The following NEGR1 variants were observed in gnomAD, a reference collection of about 807,000 sequenced individuals.
NEGR1 encodes IgLON family member 4.
NEGR1 carries 10 observed loss-of-function variants against 40.9 expected under a neutral mutation model. The ratio of observed to expected loss-of-function variants is 0.24; its 90% CI spans 0.15 to 0.42. The LOEUF (loss-of-function observed/expected upper bound fraction) is 0.42. NEGR1 is among the 10% of genes least tolerant of loss of function. NEGR1 has a pLI of 1.00. For synonymous variants in NEGR1, 185 were observed against 166.8 expected, an observed-to-expected ratio of 1.11 and a Z score of -0.84; for missense variants, 352 against 438.9, an observed-to-expected ratio of 0.80 and a Z score of 1.77.
At chr1:71,857,539 G>T (rs1054145969) in intron 2 of NEGR1, among the ~76,000 whole-genome samples, 2 of 134,702 alleles carry the variant, frequency 1.5e-5, no homozygotes, top group Non-Finnish European at 3.1e-5. Flanking sequence ...GAAGTGGGAA[G>T]ATCATTTGAG....
chr1:71,651,390 A>C (rs997269149), intron 4 of NEGR1, among the ~76,000 whole-genome samples: 4 of 152,148 alleles, frequency 2.6e-5, no homozygotes, highest in African/African-American at 9.7e-5. Flanking sequence ...TCCACAAAGT[A>C]TGTATGATGA....
chr1:72,075,223 G>GA (rs1647671981), intron 1 of NEGR1, among the ~76,000 whole-genome samples: 1 of 152,056 alleles, frequency 6.6e-6, no homozygotes, highest in East Asian at 1.9e-4. Flanking sequence ...TTAAAGTTTT[G>GA]AAAATATACA....
At chr1:72,080,840 T>G (rs1647966625) in intron 1 of NEGR1, among the ~76,000 whole-genome samples, 1 of 152,074 alleles carries the variant, frequency 6.6e-6, no homozygotes, top group Non-Finnish European at 1.5e-5. Flanking sequence ...TACTCAAATT[T>G]TCCTGGATGA....
At chr1:72,008,898 A>T (rs781151024) in intron 1 of NEGR1, among the ~76,000 whole-genome samples, 5 of 152,004 alleles carry the variant, frequency 3.3e-5, no homozygotes, top group Non-Finnish European at 7.4e-5. Flanking sequence ...AAATTACTTT[A>T]GTGGGAAGAG....
chr1:71,740,003 T>C (rs1345098787), intron 3 of NEGR1, among the ~76,000 whole-genome samples: 5 of 152,212 alleles, frequency 3.3e-5, no homozygotes, highest in African/African-American at 1.2e-4. Flanking sequence ...CCACAGTCTC[T>C]AATACAGAAA....
chr1:71,775,315 T>C (rs961733768), intron 3 of NEGR1, among the ~76,000 whole-genome samples: 2 of 151,926 alleles, frequency 1.3e-5, no homozygotes, highest in African/African-American at 4.8e-5. Flanking sequence ...ATAGGTTCTA[T>C]TCTGGACTCT....
intron 6 of NEGR1, among the ~76,000 whole-genome samples, chr1:71,577,267 G>A (rs925958140): frequency 6.6e-6 from 1 of 152,168 alleles, no homozygotes; most frequent in African/African-American, 2.4e-5. Flanking sequence ...ATAAAATGTA[G>A]ATGAAATAAT....
At chr1:71,722,327 A>C (rs1654536008) in intron 3 of NEGR1, among the ~76,000 whole-genome samples, 1 of 152,140 alleles carries the variant, frequency 6.6e-6, no homozygotes, top group Admixed American at 6.6e-5. Flanking sequence ...CTTCAGAAAT[A>C]TGGTAAATTA....
chr1:71,531,041 C>A (rs1238185579), intron 6 of NEGR1, among the ~76,000 whole-genome samples: 1 of 151,202 alleles, frequency 6.6e-6, no homozygotes, highest in Non-Finnish European at 1.5e-5. Flanking sequence ...TTATTGTACA[C>A]CCACCCCATT....
intron 1 of NEGR1, among the ~76,000 whole-genome samples, chr1:72,169,382 C>T (rs1570072499): frequency 6.6e-6 from 1 of 152,122 alleles, no homozygotes; most frequent in Non-Finnish European, 1.5e-5. Context: ...GCTTAATAAA[C>T]AATTTATTAC....
At chr1:71,880,258 A>C (rs1660546286) in intron 2 of NEGR1, among the ~76,000 whole-genome samples, 1 of 152,042 alleles carries the variant, frequency 6.6e-6, no homozygotes, top group South Asian at 2.1e-4. Flanking sequence ...TATTTTATTT[A>C]TATCCTTCCT....
chr1:71,498,463 G>C (rs889781674), intron 6 of NEGR1, among the ~76,000 whole-genome samples: 1 of 152,026 alleles, frequency 6.6e-6, no homozygotes, highest in Admixed American at 6.6e-5. Context: ...GCTTCAAGAG[G>C]TGTAGCAATA....
rs1187588001 is a variant in NEGR1, at chr1:71,957,428, A to C, written c.177-22117T>G. ...GCAGAGAGCTAGTCATTCTATATAA[A>C]AATGAACTGAACCAATTGATATATA... On this transcript the variant is annotated intron_variant, in intron 1 of 6. Coordinates refer to ENST00000357731, the MANE Select transcript of NEGR1 (RefSeq NM_173808.3). Among the ~76,000 whole-genome samples, 3 of 152,250 alleles carry C rather than the reference A, an allele frequency of 2.0e-5. No homozygotes were observed. The East Asian group carries it at 5.8e-4, about 29-fold the overall frequency.
At chr1:71,615,121 A>C (rs1650404321) in intron 4 of NEGR1, among the ~76,000 whole-genome samples, 1 of 152,198 alleles carries the variant, frequency 6.6e-6, no homozygotes, top group African/African-American at 2.4e-5. Flanking sequence ...AACTTGAACC[A>C]AAAACCTCTA....
At chr1:71,795,297 T>C (rs1293498108) in intron 2 of NEGR1, among the ~76,000 whole-genome samples, 1 of 151,970 alleles carries the variant, frequency 6.6e-6, no homozygotes, top group Non-Finnish European at 1.5e-5. Flanking sequence ...CAAATACAGA[T>C]ACTCCCAGAT....
intron 4 of NEGR1, among the ~76,000 whole-genome samples, chr1:71,640,754 A>G (rs373508269): frequency 9.9e-5 from 15 of 152,150 alleles, no homozygotes; most frequent in Admixed American, 8.5e-4. Flanking sequence ...CTAGAACACA[A>G]TGTCTAACTA....
chr1:71,912,680 T>C (rs2101874548), intron 2 of NEGR1, among the ~76,000 whole-genome samples: 1 of 152,260 alleles, frequency 6.6e-6, no homozygotes, highest in South Asian at 2.1e-4. Context: ...TTTTTGGAAC[T>C]TTTACTCCAA....
intron 1 of NEGR1, chr1:72,274,477 A>C (rs1381437308): frequency 8.2e-6 from 5 of 606,802 alleles, no homozygotes; most frequent in Non-Finnish European, 1.2e-5. Flanking sequence ...AGAAGCACAT[A>C]GCTACACTGA....
intron 4 of NEGR1, among the ~76,000 whole-genome samples, chr1:71,640,310 G>C (rs968925352): frequency 3.3e-5 from 5 of 151,948 alleles, no homozygotes; most frequent in African/African-American, 1.2e-4. Flanking sequence ...GAGACTCATG[G>C]GACACAGACC....
Sources: gnomAD v4.1 joint callset for allele counts (sites outside exome capture counted in the v4.1 genomes callset) on GRCh38, gnomAD v4.1.1 for gene constraint, MANE v1.5 for transcripts, NCBI Gene and HGNC (gene_info 2026-07-23, HGNC 2026-07-21) for gene names.